The following RELN variants were observed in gnomAD, a reference collection of about 807,000 sequenced individuals.
The protein encoded by RELN is reelin.
A neutral mutation model predicts 427.6 loss-of-function variants in RELN; 108 were observed. The ratio of observed to expected loss-of-function variants is 0.25; its 90% CI spans 0.22 to 0.30. The LOEUF (loss-of-function observed/expected upper bound fraction) is 0.30. RELN is among the 10% of genes least tolerant of loss of function. The pLI, the probability that RELN is intolerant of heterozygous loss-of-function variation, is 1.00. For missense variants in RELN, 3,715 were observed against 4,302.8 expected (o/e 0.86, Z 3.82); for synonymous variants, 1,524 against 1,513.4 (o/e 1.01, Z -0.16).
intron 51 of RELN, among the ~76,000 whole-genome samples, chr7:103,510,348 G>A (rs980978768): frequency 6.6e-6 from 1 of 152,208 alleles, no homozygotes; most frequent in African/African-American, 2.4e-5. Context: ...GGACATGGAT[G>A]AAGCTGGAAA....
intron 9 of RELN, 77 bp downstream of exon 9, chr7:103,700,833 G>C: frequency 1.1e-6 from 1 of 880,712 alleles, no homozygotes; most frequent in Non-Finnish European, 1.9e-6. Flanking sequence ...AAAAGTTAGT[G>C]GTGGATTGAA....
At chr7:103,676,234 T>G (rs977569881) in intron 11 of RELN, among the ~76,000 whole-genome samples, 1 of 152,136 alleles carries the variant, frequency 6.6e-6, no homozygotes, top group Non-Finnish European at 1.5e-5. Flanking sequence ...GCAAAGGCTA[T>G]GAACAGACAC....
chr7:103,871,411 G>A (rs1467898697), intron 2 of RELN, among the ~76,000 whole-genome samples: 1 of 152,068 alleles, frequency 6.6e-6, no homozygotes, highest in Non-Finnish European at 1.5e-5. Flanking sequence ...ACTGTTTTCA[G>A]TAATATAAAC....
At chr7:103,967,204 C>T (rs1157958521) in intron 1 of RELN, among the ~76,000 whole-genome samples, 2 of 152,080 alleles carry the variant, frequency 1.3e-5, no homozygotes, top group Non-Finnish European at 2.9e-5. Context: ...AGACCAATTC[C>T]AAAGCCTACG....
chr7:103,589,799 G>T lies in RELN; in HGVS notation c.3942C>A (p.Ser1314Arg). 6.2e-7 allele frequency: 1 copy of T among 1,609,148 alleles called. No homozygotes were observed. Among genetic ancestry groups the T allele is most frequent in the Non-Finnish European group, 8.5e-7 (1 of 1,175,452 alleles). ...KLNIGCANQF[S>R]STAPVLLQYS... is the part of the protein sequence containing the mutation. Reference sequence around the variant, plus strand: ...ACTGAAGAAGAACTGGAGCAGTACTGCTGAATTGATTGGCACAACCTATGT... The same window carrying T: ...ACTGAAGAAGAACTGGAGCAGTACTTCTGAATTGATTGGCACAACCTATGT... Residue 1314 changes from serine to arginine, a missense_variant, in exon 28 of 65, where the codon AGC becomes AGA. Ser to Arg is a moderately radical substitution (Grantham distance 110, BLOSUM62 -1). Transcript: ENST00000428762.
At chr7:103,528,792 G>A (rs1829878238) in intron 46 of RELN, among the ~76,000 whole-genome samples, 1 of 150,984 alleles carries the variant, frequency 6.6e-6, no homozygotes, top group South Asian at 2.1e-4. Context: ...ACCTCCCAAA[G>A]TGTTGAGATT....
intron 2 of RELN, among the ~76,000 whole-genome samples, chr7:103,846,386 G>A (rs1793677946): frequency 6.6e-6 from 1 of 152,152 alleles, no homozygotes; most frequent in East Asian, 1.9e-4. Flanking sequence ...GCAGAAAACT[G>A]AAACTGGACC....
chr7:103,719,888 GTTC>G (rs1790032976), intron 8 of RELN, among the ~76,000 whole-genome samples: 1 of 152,156 alleles, frequency 6.6e-6, no homozygotes, highest in African/African-American at 2.4e-5. Context: ...AAAATGAAAA[GTTC>G]TTCTACGAAT....
intron 39 of RELN, 27 bp from the exon 40 acceptor site, chr7:103,553,590 T>A: frequency 6.2e-7 from 1 of 1,613,166 alleles, no homozygotes; most frequent in Non-Finnish European, 8.5e-7. Flanking sequence ...CAACCAGGAA[T>A]CCATTTAGGC....
At chr7:103,664,206 A>G (rs1053225303) in intron 11 of RELN, among the ~76,000 whole-genome samples, 3 of 152,226 alleles carry the variant, frequency 2.0e-5, no homozygotes, top group Non-Finnish European at 4.4e-5. Flanking sequence ...TGGGGGAATG[A>G]CCATAAACTT....
At chr7:103,964,230 G>C (rs994583961) in intron 1 of RELN, among the ~76,000 whole-genome samples, 1 of 152,132 alleles carries the variant, frequency 6.6e-6, no homozygotes, top group African/African-American at 2.4e-5. Context: ...TATTGTGGTA[G>C]ATTTCCTTAT....
At chr7:103,500,700 A>C in intron 53 of RELN, 45 bp downstream of exon 53, 1 of 1,600,516 alleles carries the variant, frequency 6.2e-7, no homozygotes, top group Non-Finnish European at 8.6e-7. Flanking sequence ...CCTAGGCATG[A>C]CCCATGATGT....
rs142240352 is a variant in RELN, at chr7:103,757,088, T to C, written c.545-3874A>G. Among the ~76,000 whole-genome samples the C allele has an allele frequency of 2.3e-3, 347 of 152,288 alleles. 1 individual carries two copies. Among genetic ancestry groups the C allele is most frequent in the Non-Finnish European group, 3.2e-3 (218 of 68,024 alleles). On this transcript the variant is annotated intron_variant, in intron 4 of 64. Coordinates refer to ENST00000428762, the MANE Select transcript of RELN (RefSeq NM_005045.4). ...AAAATTAAAGTAGCCTGAGGAAGAATGATATAGTTCAACATTATTTAGTAT... is the reference window on the plus strand; with the variant it reads ...AAAATTAAAGTAGCCTGAGGAAGAACGATATAGTTCAACATTATTTAGTAT...
rs1828238227 is a variant in RELN at position 103,481,537 on chromosome 7, C to A, written c.10280+1336G>T. On this transcript the variant is annotated intron_variant, in intron 63 of 64. Coordinates refer to ENST00000428762, the MANE Select transcript of RELN (RefSeq NM_005045.4). ...TAAAACAAGAATGATGCCCAGTTCC[C>A]ACTGCAGATCAATTTAAAGCCCCAT... is the stretch of plus-strand genomic sequence containing the variant. Among the ~76,000 whole-genome samples, 3 of 152,258 alleles carry A rather than the reference C, an allele frequency of 2.0e-5. No homozygotes were observed. In the South Asian group the frequency reaches 6.2e-4, roughly 32 times the overall value.
chr7:103,712,612 C>G (rs185963212), intron 8 of RELN, among the ~76,000 whole-genome samples: 1 of 152,322 alleles, frequency 6.6e-6, no homozygotes, highest in African/African-American at 2.4e-5. Context: ...TGATAATTCA[C>G]ATAAGTAACA....
chr7:103,743,334 C>G lies in RELN; in HGVS notation c.656+6092G>C, dbSNP rs576435878. On this transcript the variant is annotated intron_variant, in intron 6 of 64. Coordinates refer to ENST00000428762, the MANE Select transcript of RELN (RefSeq NM_005045.4). ...TGCCAAATTGTAAAGAACATCAAGGCTAGGAAGAAACTGCACCAACTAACA... is the reference window on the plus strand; with the variant it reads ...TGCCAAATTGTAAAGAACATCAAGGGTAGGAAGAAACTGCACCAACTAACA... 3.5e-4 allele frequency among the ~76,000 whole-genome samples: 53 copies of G among 152,240 alleles called. 1 individual carries two copies. Among genetic ancestry groups the G allele is most frequent in the African/African-American group, 1.3e-3 (53 of 41,524 alleles).
chr7:103,498,226 A>G lies in RELN; in HGVS notation c.8694T>C (p.Ser2898=). The G allele has an allele frequency of 6.2e-7, 1 of 1,614,002 alleles. No individual in the cohort carries two copies. The highest frequency in any genetic ancestry group is 8.5e-7 in the Non-Finnish European group (1 of 1,179,948). The change falls in exon 54 of 65, where the codon AGT becomes AGC. Residue 2898 remains serine, a synonymous_variant. Transcript: ENST00000428762. ...LKTFLKERFD[S]EEIKPDLWMS... is the part of the protein sequence containing the mutation. ...TCCATAAGTCAGGTTTGATTTCTTC[A>G]CTGTCAAAGCGTTCCTTCAGGAAAG...
intron 2 of RELN, among the ~76,000 whole-genome samples, chr7:103,863,228 G>A (rs766185628): frequency 5.9e-5 from 9 of 152,206 alleles, no homozygotes; most frequent in Middle Eastern, 6.8e-3. Context: ...GAGACATGAC[G>A]CATAAAAGCA....
rs572588763 is a variant in RELN, at chr7:103,895,194, T to G, written c.337+21881A>C. 2.6e-5 allele frequency among the ~76,000 whole-genome samples: 4 copies of G among 152,260 alleles called. No individual in the cohort carries two copies. In the South Asian group the frequency reaches 8.3e-4, roughly 32 times the overall value. On this transcript the variant is annotated intron_variant, in intron 2 of 64. Coordinates refer to ENST00000428762, the MANE Select transcript of RELN (RefSeq NM_005045.4). ...CAATTATCGCAGAACTCAGTGATTA[T>G]TTAAACTTGGCTAATTAGCATTAGA...
Sources: allele counts gnomAD v4.1 joint callset (sites outside exome capture counted in the v4.1 genomes callset), GRCh38; gene constraint gnomAD v4.1.1; transcripts MANE v1.5; gene names NCBI Gene and HGNC (gene_info 2026-07-23, HGNC 2026-07-21).